The following SETBP1 variants were observed in gnomAD, a reference collection of about 807,000 sequenced individuals.
SETBP1 encodes the protein SET binding protein 1, also known as SET-binding protein.
Under a neutral mutation model 101.0 loss-of-function variants are expected in SETBP1, and 9 were observed. The observed-to-expected ratio is 0.09, with a 90% CI of 0.05 to 0.16. The LOEUF (loss-of-function observed/expected upper bound fraction) is 0.16. Ranked by LOEUF, SETBP1 falls within the 10% of genes least tolerant of loss-of-function variation. The probability of loss-of-function intolerance (pLI) is 1.00; values close to 1 mark genes in which losing one functional copy is unlikely to be tolerated. For synonymous variants in SETBP1, 818 were observed against 788.5 expected (o/e 1.04, Z -0.63); for missense variants, 1,858 against 2,033.8 (o/e 0.91, Z 1.66).
chr18:44,860,938 A>G (rs894554866), intron 2 of SETBP1, among the ~76,000 whole-genome samples: 13 of 152,174 alleles, frequency 8.5e-5, no homozygotes, highest in African/African-American at 1.9e-4. Flanking sequence ...GGTAAATTCT[A>G]TTAGCACTGA....
chr18:45,026,708 C>A (rs2073171415), intron 4 of SETBP1, among the ~76,000 whole-genome samples: 1 of 152,104 alleles, frequency 6.6e-6, no homozygotes. Flanking sequence ...ATAGTTACCA[C>A]CCTATTGTCT....
chr18:45,051,599 A>G (rs2073722281), intron 5 of SETBP1, among the ~76,000 whole-genome samples: 1 of 152,176 alleles, frequency 6.6e-6, no homozygotes, highest in Admixed American at 6.5e-5. Flanking sequence ...CAAAAACAAC[A>G]AAAAAGACCA....
chr18:44,738,618 A>G lies in SETBP1; in HGVS notation c.486+36786A>G, dbSNP rs146668818. Among the ~76,000 whole-genome samples the G allele has an allele frequency of 1.8e-3, 278 of 152,180 alleles. 2 individuals carry two copies. The highest frequency in any genetic ancestry group is 6.4e-3 in the African/African-American group (265 of 41,522). On this transcript the variant is annotated intron_variant, in intron 2 of 5. Transcript: ENST00000649279. ...GTGAAACTCCATCTCTACTAAAAAT[A>G]CAAAAACTAGCTGGGTGTGGTGGCA...
chr18:45,047,349 C>T lies in SETBP1; in HGVS notation c.4171+8694C>T, dbSNP rs747127572. Among the ~76,000 whole-genome samples, 116 of 152,274 alleles carry T rather than the reference C, an allele frequency of 7.6e-4. 1 individual carries two copies. Among genetic ancestry groups the T allele is most frequent in the Admixed American group, 3.9e-4 (6 of 15,296 alleles). On this transcript the variant is annotated intron_variant, in intron 5 of 5. Coordinates refer to ENST00000649279, the MANE Select transcript of SETBP1 (RefSeq NM_015559.3). Reference sequence around the variant, plus strand: ...AAATGGGAGAGAATGAAAGGAGACTCTTATGGGGCAGAGTTTATGTGGCAA... The same window carrying T: ...AAATGGGAGAGAATGAAAGGAGACTTTTATGGGGCAGAGTTTATGTGGCAA...
intron 3 of SETBP1, among the ~76,000 whole-genome samples, chr18:44,874,545 A>G (rs2069353469): frequency 6.6e-6 from 1 of 152,210 alleles, no homozygotes; most frequent in Admixed American, 6.5e-5. Context: ...GGTATCACAG[A>G]GGAGATGAAT....
At chr18:44,971,312 T>C (rs1276794869) in intron 4 of SETBP1, among the ~76,000 whole-genome samples, 1 of 152,260 alleles carries the variant, frequency 6.6e-6, no homozygotes, top group Non-Finnish European at 1.5e-5. Flanking sequence ...TCTTTGCTAT[T>C]GTGACTAGTG....
intron 1 of SETBP1, among the ~76,000 whole-genome samples, chr18:44,686,062 C>T (rs1356285953): frequency 6.6e-6 from 1 of 152,220 alleles, no homozygotes; most frequent in Non-Finnish European, 1.5e-5. Flanking sequence ...AACCACAATA[C>T]TTAAGCAATG....
intron 4 of SETBP1, chr18:44,986,933 AGTATAGTATTGTATT>A (rs1328590108): frequency 4.9e-5 from 3 of 60,836 alleles, no homozygotes; most frequent in Non-Finnish European, 1.2e-4. Flanking sequence ...AGTATAGTAT[AGTATAGTATTGTATT>A]GTATTGTATT....
intron 2 of SETBP1, among the ~76,000 whole-genome samples, chr18:44,865,619 T>TA (rs2069112059): frequency 1.3e-5 from 2 of 152,214 alleles, no homozygotes; most frequent in South Asian, 4.1e-4. Flanking sequence ...TTTGTAGACT[T>TA]ATGGGAAATA....
intron 2 of SETBP1, among the ~76,000 whole-genome samples, chr18:44,725,502 A>G (rs1396584471): frequency 6.6e-6 from 1 of 152,178 alleles, no homozygotes; most frequent in Non-Finnish European, 1.5e-5. Flanking sequence ...CCCTTGCTTG[A>G]AAGATTCGGC....
At chr18:44,758,047 C>T (rs1169578576) in intron 2 of SETBP1, among the ~76,000 whole-genome samples, 1 of 152,130 alleles carries the variant, frequency 6.6e-6, no homozygotes, top group Non-Finnish European at 1.5e-5. Context: ...GTGGAGGACT[C>T]TCTTATCAGG....
rs534580021 is a variant in SETBP1, at chr18:44,753,289, C to T, written c.486+51457C>T. Among the ~76,000 whole-genome samples, 9 of 152,202 alleles carry T rather than the reference C, an allele frequency of 5.9e-5. No individual in the cohort carries two copies. The East Asian group carries it at 7.7e-4, about 13-fold the overall frequency. ...ACAGAAGAATGGGGATTTTGTGCAA[C>T]GAATCATAAAACCCCAGAATGATAA... is the stretch of plus-strand genomic sequence containing the variant. On this transcript the variant is annotated intron_variant, in intron 2 of 5. Coordinates refer to ENST00000649279, the MANE Select transcript of SETBP1 (RefSeq NM_015559.3).
intron 2 of SETBP1, chr18:44,732,885 T>A (rs2069868906): frequency 6.6e-6 from 1 of 152,206 alleles, no homozygotes; most frequent in Non-Finnish European, 1.5e-5. Flanking sequence ...CTTACAGTGA[T>A]GGCTGAGCCC....
intron 3 of SETBP1, among the ~76,000 whole-genome samples, chr18:44,886,788 T>C (rs1484423878): frequency 1.4e-5 from 2 of 144,284 alleles, no homozygotes; most frequent in Non-Finnish European, 3.1e-5. Flanking sequence ...ATTATTATTA[T>C]TATTAGTTAA....
intron 4 of SETBP1, among the ~76,000 whole-genome samples, chr18:45,031,105 G>C (rs985986085): frequency 4.6e-5 from 7 of 151,950 alleles, no homozygotes; most frequent in African/African-American, 1.7e-4. Context: ...TGTGATGTTA[G>C]GGTGTCAATT....
At chr18:45,011,065 G>A (rs189895186) in intron 4 of SETBP1, among the ~76,000 whole-genome samples, 255 of 152,252 alleles carry the variant, frequency 1.7e-3, no homozygotes, top group Middle Eastern at 6.8e-3. Context: ...AAAGAAATAC[G>A]CAGCACAGTT....
At chr18:45,004,141 C>T (rs2072675499) in intron 4 of SETBP1, among the ~76,000 whole-genome samples, 1 of 152,212 alleles carries the variant, frequency 6.6e-6, no homozygotes, top group African/African-American at 2.4e-5. Flanking sequence ...GAATAAATCT[C>T]ACCTGATGAA....
At position 44,835,609 on chromosome 18, in the gene SETBP1, A is replaced by C. The variant is rs1199177237; in HGVS notation, c.487-33621A>C. Among the ~76,000 whole-genome samples the C allele has an allele frequency of 2.6e-5, 4 of 152,208 alleles. No homozygotes were observed. In the East Asian group the frequency reaches 7.7e-4, roughly 29 times the overall value. Reference sequence around the variant, plus strand: ...ATTTTATCTGGCAACCCTACATTTAATACGTCTAAGAATCTCATTTTAGAG... The same window carrying C: ...ATTTTATCTGGCAACCCTACATTTACTACGTCTAAGAATCTCATTTTAGAG... On this transcript the variant is annotated intron_variant, in intron 2 of 5. Coordinates refer to ENST00000649279, the MANE Select transcript of SETBP1 (RefSeq NM_015559.3).
chr18:44,738,512 A>G (rs1362909293), intron 2 of SETBP1, among the ~76,000 whole-genome samples: 2 of 152,150 alleles, frequency 1.3e-5, no homozygotes, highest in Admixed American at 6.5e-5. Context: ...TGTGGCTCAC[A>G]CCTGTAATCC....
Sources: allele counts gnomAD v4.1 joint callset (sites outside exome capture counted in the v4.1 genomes callset), GRCh38; gene constraint gnomAD v4.1.1; transcripts MANE v1.5; gene names NCBI Gene and HGNC (gene_info 2026-07-23, HGNC 2026-07-21).